Variants in ZNF263 observed in about 807,000 individuals in gnomAD.
The protein encoded by ZNF263 is zinc finger protein 263, also known as zinc finger protein FPM315.
A neutral mutation model predicts 63.1 loss-of-function variants in ZNF263; 49 were observed. That is an observed-to-expected ratio of 0.78 (90% CI 0.62 to 0.99). ZNF263 has a LOEUF of 0.99. Among genes scored for constraint, ZNF263 ranks in the 50% least tolerant of loss-of-function variants. The pLI, the probability that ZNF263 is intolerant of heterozygous loss-of-function variation, is 0.00. For synonymous variants in ZNF263, 352 were observed against 324.2 expected, an observed-to-expected ratio of 1.09 and a Z score of -0.92; for missense variants, 872 against 854.8, an observed-to-expected ratio of 1.02 and a Z score of -0.25.
intron 4 of ZNF263, among the ~76,000 whole-genome samples, 187 bp from the exon 5 acceptor site, chr16:3,288,267 G>C (rs980466065): frequency 2.0e-5 from 3 of 150,132 alleles, no homozygotes; most frequent in Non-Finnish European, 3.0e-5. Flanking sequence ...AAAAAAAAAA[G>C]TCTCCCTCCC....
Position 3,289,609 on chromosome 16 carries a change from G to A in ZNF263, c.1103G>A (p.Arg368Gln), listed in dbSNP as rs145843272. Residue 368 changes from arginine (R) to glutamine (Q), a missense_variant, in exon 6 of 6, where the codon CGA (arginine) becomes CAA (glutamine). Coordinates refer to ENST00000219069, the MANE Select transcript of ZNF263 (RefSeq NM_005741.5). ...GCCTCAAGTGGCAGAGAACTGGGGC[G>A]ACCGAAGGAACTGCAGCCAAAGAAA... ...AGASSGRELG[R>Q]PKELQPKKLH... 1.4e-5 allele frequency: 22 copies of A among 1,614,016 alleles called. No individual in the cohort carries two copies. Among genetic ancestry groups the A allele is most frequent in the East Asian group, 2.2e-5 (1 of 44,876 alleles).
chr16:3,298,219 T>C (rs1959818890), intron 1 of ZNF263, among the ~76,000 whole-genome samples: 1 of 152,242 alleles, frequency 6.6e-6, no homozygotes, highest in Non-Finnish European at 1.5e-5. Context: ...AATTTAAGTC[T>C]CACCTCTGCT....
intron 2 of ZNF263, chr16:3,299,396 C>T: frequency 6.4e-7 from 1 of 1,551,998 alleles, no homozygotes; most frequent in Non-Finnish European, 8.7e-7. Flanking sequence ...TATTCAGGTT[C>T]CTTTTTGTAA....
downstream of ZNF263, chr16:3,292,854 G>C (rs951826376): frequency 1.3e-5 from 2 of 152,200 alleles, no homozygotes. Flanking sequence ...GTTTTAATGA[G>C]ATGACATCAC....
In ZNF263 at chr16:3,289,538, T is replaced by C. The variant is rs374579342; in HGVS notation, c.1032T>C (p.Asp344=). 8.1e-6 allele frequency: 13 copies of C among 1,605,444 alleles called. No individual in the cohort carries two copies. The highest frequency in any genetic ancestry group is 1.1e-5 in the Non-Finnish European group (13 of 1,175,242). The change falls in exon 6 of 6, where the codon GAT becomes GAC. Residue 344 remains aspartate, a synonymous_variant. Coordinates refer to ENST00000219069, the MANE Select transcript of ZNF263 (RefSeq NM_005741.5). ...GACCTCATGACCGGTCGCAAGGGGA[T>C]TGGGCGCCTCCCCCAGAGGGTGGAA... ...LGRPHDRSQG[D]WAPPPEGGME... is the part of the protein sequence containing the mutation.
chr16:3,295,902 C>A (rs1208636485), downstream of ZNF263, among the ~76,000 whole-genome samples: 1 of 152,208 alleles, frequency 6.6e-6, no homozygotes, highest in Non-Finnish European at 1.5e-5. Flanking sequence ...CGTAGGATGT[C>A]CCCCAGGGAC....
rs774257687 is a variant in ZNF263 at position 3,290,622 on chromosome 16, G to C, written c.*64G>C. On this transcript the variant is annotated 3_prime_UTR_variant, in exon 6 of 6. Coordinates refer to ENST00000219069, the MANE Select transcript of ZNF263 (RefSeq NM_005741.5). ...TATTCAGAGGAGCCTGTTGGCAAGA[G>C]CTGGTATTCCCTGCCCAGCCGACCA... 32 of 1,524,710 alleles carry C rather than the reference G, an allele frequency of 2.1e-5. No individual in the cohort carries two copies. Among genetic ancestry groups the C allele is most frequent in the Non-Finnish European group, 2.4e-5 (28 of 1,143,416 alleles). 94.4% of individuals were successfully genotyped at this position (1,524,710 alleles called of 1,614,324 possible).
downstream of ZNF263, among the ~76,000 whole-genome samples, chr16:3,292,023 T>G (rs1358518319): frequency 1.3e-5 from 2 of 152,216 alleles, no homozygotes; most frequent in Non-Finnish European, 2.9e-5. Context: ...TCTTCCCATC[T>G]TGGCCTCTCA....
intron 5 of ZNF263, among the ~76,000 whole-genome samples, chr16:3,288,976 G>A (rs1275681284): frequency 6.6e-6 from 1 of 152,104 alleles, no homozygotes; most frequent in East Asian, 1.9e-4. Flanking sequence ...GTGCAGGGCC[G>A]GCCCAGCACA....
intron 4 of ZNF263, 90 bp downstream of exon 4, chr16:3,286,239 A>C (rs1312050036): frequency 6.7e-7 from 1 of 1,487,576 alleles, no homozygotes; most frequent in African/African-American, 1.4e-5. Context: ...ACAGACTCTG[A>C]GTTTTGCCAA....
At chr16:3,300,787 G>C in intron 2 of ZNF263, 1 of 1,161,482 alleles carries the variant, frequency 8.6e-7, no homozygotes, top group Non-Finnish European at 1.2e-6. Flanking sequence ...TGAAGAGCTA[G>C]TCTAGAGGTG....
intron 1 of ZNF263, 65 bp downstream of exon 1, chr16:3,284,270 C>T: frequency 1.4e-6 from 2 of 1,446,016 alleles, no homozygotes; most frequent in South Asian, 1.6e-5. Context: ...GACATTGCGC[C>T]CCCGGTCGAA....
chr16:3,293,858 G>T (rs1212659366), downstream of ZNF263, among the ~76,000 whole-genome samples: 1 of 152,218 alleles, frequency 6.6e-6, no homozygotes, highest in Admixed American at 6.5e-5. Context: ...AGTTTTGATG[G>T]CTGTAATGAA....
downstream of ZNF263, among the ~76,000 whole-genome samples, chr16:3,294,618 G>A (rs220381): frequency 0.77 from 116,767 of 152,080 alleles, 45,937 homozygotes; most frequent in African/African-American, 0.94. Context: ...AGACCAGCTA[G>A]ACCTTGCCTG....
At position 3,285,107 on chromosome 16, in the gene ZNF263, C is replaced by T; in HGVS notation, c.436C>T (p.Pro146Ser). 6.2e-7 allele frequency: 1 copy of T among 1,614,160 alleles called. No individual in the cohort carries two copies. The part of the protein sequence containing the change: ...GTEVLLEEPL[P>S]LETARESPSF... ...AGAAGTGCTTTTGGAGGAGCCTTTG[C>T]CTCTGGAAACAGCACGAGAGTCACC... The change falls in exon 2 of 6, where the codon CCT (proline) becomes TCT (serine). Residue 146 changes from proline (P) to serine (S), a missense_variant. Coordinates refer to ENST00000219069, the MANE Select transcript of ZNF263 (RefSeq NM_005741.5).
chr16:3,293,520 A>G (rs1261541326), downstream of ZNF263: 1 of 152,266 alleles, frequency 6.6e-6, no homozygotes, highest in Non-Finnish European at 1.5e-5. Flanking sequence ...AAAAGAAGCC[A>G]AAACAGTTTG....
downstream of ZNF263, among the ~76,000 whole-genome samples, chr16:3,292,671 A>T (rs557493685): frequency 6.4e-4 from 97 of 152,180 alleles, no homozygotes; most frequent in Non-Finnish European, 1.1e-3. Flanking sequence ...ACCCACACAG[A>T]TCTTATGATG....
chr16:3,283,581 C>T lies in ZNF263; in HGVS notation c.-238C>T, dbSNP rs567069436. 7.2e-5 allele frequency: 32 copies of T among 443,726 alleles called. 1 individual carries two copies. In the South Asian group the frequency reaches 2.7e-3, roughly 38 times the overall value. The allele number at this position is 443,726 out of a possible 1,614,324, so 27.5% of individuals were successfully genotyped here. On this transcript the variant is annotated 5_prime_UTR_variant, in exon 1 of 6. Transcript: ENST00000219069. ...GGGTGAGAAGCGTGGCGCTCGGTTC[C>T]TGCCTCGGGGAAGTCCTGGCGCAGA...
chr16:3,300,650 C>A (rs1452954716), intron 2 of ZNF263: 3 of 1,522,742 alleles, frequency 2.0e-6, no homozygotes, highest in Non-Finnish European at 2.6e-6. Context: ...CAGGAGAAAA[C>A]AAAGGGAAAA....
Sources: gnomAD v4.1 joint callset for allele counts (sites outside exome capture counted in the v4.1 genomes callset) on GRCh38, gnomAD v4.1.1 for gene constraint, MANE v1.5 for transcripts, NCBI Gene and HGNC (gene_info 2026-07-23, HGNC 2026-07-21) for gene names.